The following MIPOL1 variants were observed in gnomAD, a reference collection of about 807,000 sequenced individuals.
The protein encoded by MIPOL1 is mirror-image polydactyly gene 1 protein.
MIPOL1 carries 57 observed loss-of-function variants against 60.9 expected under a neutral mutation model. The ratio of observed to expected loss-of-function variants is 0.94; its 90% CI spans 0.76 to 1.17. MIPOL1 has a LOEUF of 1.17. MIPOL1 is among the 50% of genes most tolerant of loss of function. The pLI, the probability that MIPOL1 is intolerant of heterozygous loss-of-function variation, is 0.00. For synonymous variants in MIPOL1, 179 were observed against 168.8 expected, an observed-to-expected ratio of 1.06 and a Z score of -0.47; for missense variants, 551 against 511.6, an observed-to-expected ratio of 1.08 and a Z score of -0.74.
At chr14:37,461,524 C>G (rs575452600) in intron 11 of MIPOL1, among the ~76,000 whole-genome samples, 1 of 152,170 alleles carries the variant, frequency 6.6e-6, no homozygotes, top group South Asian at 2.1e-4. Flanking sequence ...GCCCCTGGCC[C>G]CCTCCCAAAT....
rs188598284 is a variant in MIPOL1, at chr14:37,474,605, T to G, written c.1032-25303T>G. The stretch of plus-strand genomic sequence containing the variant: ...TGTAACTGTGAGTCTATTAAACCTC[T>G]TGTTCTTTATAAATTACCCAGTCTC... On this transcript the variant is annotated intron_variant, in intron 11 of 12. Coordinates refer to ENST00000684589, the MANE Select transcript of MIPOL1 (RefSeq NM_001388067.1). Among the ~76,000 whole-genome samples the G allele has an allele frequency of 7.5e-4, 115 of 152,318 alleles. 1 individual carries two copies. Among genetic ancestry groups the G allele is most frequent in the African/African-American group, 2.8e-3 (115 of 41,568 alleles).
intron 10 of MIPOL1, among the ~76,000 whole-genome samples, chr14:37,419,888 A>C (rs2093840817): frequency 6.6e-6 from 1 of 151,882 alleles, no homozygotes; most frequent in African/African-American, 2.4e-5. Flanking sequence ...CTATAGGTGC[A>C]TGCCAGCCCA....
intron 10 of MIPOL1, among the ~76,000 whole-genome samples, chr14:37,409,292 T>C (rs553407444): frequency 3.3e-5 from 5 of 152,078 alleles, no homozygotes; most frequent in Non-Finnish European, 7.4e-5. Flanking sequence ...AGAATATAAG[T>C]AGCTATGTAT....
At chr14:37,317,733 C>G (rs2088079248) in intron 9 of MIPOL1, among the ~76,000 whole-genome samples, 1 of 152,032 alleles carries the variant, frequency 6.6e-6, no homozygotes, top group African/African-American at 2.4e-5. Context: ...GAAAAAGGCA[C>G]TAGAAATAAA....
At chr14:37,388,415 T>A (rs117710159) in intron 10 of MIPOL1, among the ~76,000 whole-genome samples, 1 of 151,984 alleles carries the variant, frequency 6.6e-6, no homozygotes, top group Non-Finnish European at 1.5e-5. Flanking sequence ...TAAATGAAAC[T>A]TATCGTTCAC....
intron 3 of MIPOL1, among the ~76,000 whole-genome samples, chr14:37,253,612 T>C (rs1164443288): frequency 6.6e-6 from 1 of 151,796 alleles, no homozygotes; most frequent in East Asian, 1.9e-4. Context: ...TTATTCCTTC[T>C]AGCTATGGAA....
At chr14:37,472,818 C>A (rs980409238) in intron 11 of MIPOL1, among the ~76,000 whole-genome samples, 1 of 152,086 alleles carries the variant, frequency 6.6e-6, no homozygotes, top group Non-Finnish European at 1.5e-5. Flanking sequence ...CCTTTAATTT[C>A]TTCTCACTTC....
intron 1 of MIPOL1, among the ~76,000 whole-genome samples, chr14:37,235,719 T>C (rs901941296): frequency 6.6e-6 from 1 of 152,140 alleles, no homozygotes; most frequent in African/African-American, 2.4e-5. Context: ...GCAGAAACTC[T>C]GTACCCATTA....
intron 7 of MIPOL1, among the ~76,000 whole-genome samples, chr14:37,302,562 CTCTT>C (rs1383164650): frequency 6.7e-6 from 1 of 149,248 alleles, no homozygotes; most frequent in East Asian, 2.0e-4. Context: ...TTTTTTGAGT[CTCTT>C]AGTGTGTTTG....
At chr14:37,347,622 T>C (rs1200199023) in intron 9 of MIPOL1, among the ~76,000 whole-genome samples, 1 of 152,176 alleles carries the variant, frequency 6.6e-6, no homozygotes, top group Non-Finnish European at 1.5e-5. Flanking sequence ...AGTCCACTCC[T>C]AGAGATATTG....
At position 37,429,857 on chromosome 14, in the gene MIPOL1, G is replaced by C. The variant is rs937792073; in HGVS notation, c.1031+6908G>C. 3.3e-5 allele frequency among the ~76,000 whole-genome samples: 5 copies of C among 151,994 alleles called. No individual in the cohort carries two copies. In the East Asian group the frequency reaches 9.6e-4, roughly 29 times the overall value. ...GTTTTTTTGTTTTGTTTTAATGGTA[G>C]TGATAGTTTTTTATTGGACCATATG... On this transcript the variant is annotated intron_variant, in intron 11 of 12. Coordinates refer to ENST00000684589, the MANE Select transcript of MIPOL1 (RefSeq NM_001388067.1).
At chr14:37,319,238 A>G (rs1372402612) in intron 9 of MIPOL1, among the ~76,000 whole-genome samples, 1 of 152,196 alleles carries the variant, frequency 6.6e-6, no homozygotes, top group Non-Finnish European at 1.5e-5. Flanking sequence ...ATTTTTATGT[A>G]CATCCATGTT....
At chr14:37,306,683 C>T (rs897754283) in intron 7 of MIPOL1, among the ~76,000 whole-genome samples, 11 of 151,778 alleles carry the variant, frequency 7.2e-5, no homozygotes, top group African/African-American at 2.7e-4. Flanking sequence ...AATATTTTCA[C>T]TATGATAATA....
At chr14:37,455,811 A>C (rs1038063328) in intron 11 of MIPOL1, among the ~76,000 whole-genome samples, 4 of 152,042 alleles carry the variant, frequency 2.6e-5, no homozygotes, top group Non-Finnish European at 5.9e-5. Context: ...TTTTTTCTTC[A>C]TGCACTTTCA....
chr14:37,263,855 G>A (rs1331423278), intron 3 of MIPOL1, among the ~76,000 whole-genome samples: 2 of 152,164 alleles, frequency 1.3e-5, no homozygotes, highest in Non-Finnish European at 2.9e-5. Flanking sequence ...ATGGTTTTAG[G>A]TTTAAGTTTT....
At chr14:37,266,837 A>T in intron 3 of MIPOL1, 101 bp from the exon 4 acceptor site, 1 of 766,238 alleles carries the variant, frequency 1.3e-6, no homozygotes, top group Non-Finnish European at 2.2e-6. Context: ...CTATATGTTT[A>T]AAGCTAAAGA....
intron 3 of MIPOL1, among the ~76,000 whole-genome samples, chr14:37,264,605 G>A (rs1354659665): frequency 6.6e-6 from 1 of 151,932 alleles, no homozygotes; most frequent in African/African-American, 2.4e-5. Flanking sequence ...TCCAACGTGG[G>A]TGACGGAGCG....
chr14:37,502,651 A>T (rs779936597), intron 12 of MIPOL1: 3 of 152,256 alleles, frequency 2.0e-5, no homozygotes, highest in Non-Finnish European at 2.9e-5. Context: ...AGATAAAACC[A>T]TGAAGATGGG....
chr14:37,455,115 T>C (rs1470067597), intron 11 of MIPOL1, among the ~76,000 whole-genome samples: 1 of 152,168 alleles, frequency 6.6e-6, no homozygotes, highest in East Asian at 1.9e-4. Context: ...TCAGTTGATA[T>C]TTCATGGTAA....
Sources: gnomAD v4.1 joint callset for allele counts (sites outside exome capture counted in the v4.1 genomes callset) on GRCh38, gnomAD v4.1.1 for gene constraint, MANE v1.5 for transcripts, NCBI Gene and HGNC (gene_info 2026-07-23, HGNC 2026-07-21) for gene names.